The following ADGRF5 variants were observed in gnomAD, a reference collection of about 807,000 sequenced individuals.
ADGRF5 encodes adhesion G protein-coupled receptor F5.
In ADGRF5, 75 loss-of-function variants were observed where a neutral mutation model predicts 132.3. The ratio of observed to expected loss-of-function variants is 0.57; its 90% CI spans 0.47 to 0.69. ADGRF5 has a LOEUF of 0.69. Ranked by LOEUF, ADGRF5 falls within the 30% of genes least tolerant of loss-of-function variation. ADGRF5 has a pLI of 0.00. For synonymous variants in ADGRF5, 629 were observed against 597.6 expected, an observed-to-expected ratio of 1.05 and a Z score of -0.77; for missense variants, 1,516 against 1,630.6, an observed-to-expected ratio of 0.93 and a Z score of 1.21.
chr6:46,922,922 G>A (rs1777054556), upstream of ADGRF5, among the ~76,000 whole-genome samples: 1 of 152,118 alleles, frequency 6.6e-6, no homozygotes, highest in African/African-American at 2.4e-5. Flanking sequence ...TGACCCTATT[G>A]AGATTCAGTG....
chr6:46,936,470 A>G (rs998735991), intron 1 of ADGRF5, among the ~76,000 whole-genome samples: 3 of 152,178 alleles, frequency 2.0e-5, no homozygotes, highest in African/African-American at 7.2e-5. Flanking sequence ...ATTGTATACT[A>G]TAATAGTGGC....
Position 46,921,412 on chromosome 6 carries a change from G to A in ADGRF5, c.-25+301C>T, listed in dbSNP as rs549489822. Among the ~76,000 whole-genome samples the A allele has an allele frequency of 4.3e-5, 6 of 138,576 alleles. 1 individual carries two copies. In the South Asian group the frequency reaches 1.4e-3, roughly 32 times the overall value. The allele number at this position is 138,576 out of a possible 152,430, so 90.9% of individuals were successfully genotyped here. A position where few individuals can be genotyped will look rare whatever the true frequency, so the allele number is the denominator to read the frequency against. On this transcript the variant is annotated intron_variant, in intron 1 of 20. Transcript: ENST00000283296. Reference sequence around the variant, plus strand: ...TTATAGTATTTTCTGGTTTAAGGACGAGAGAACTTGTTTGAAAAAAAAAAA... The same window carrying A: ...TTATAGTATTTTCTGGTTTAAGGACAAGAGAACTTGTTTGAAAAAAAAAAA...
At position 46,856,737 on chromosome 6, in the gene ADGRF5, C is replaced by A. The variant is rs1769094544; in HGVS notation, c.3857G>T (p.Trp1286Leu). 1 of 1,533,484 alleles carries A rather than the reference C, an allele frequency of 6.5e-7. No individual in the cohort carries two copies. Among genetic ancestry groups the A allele is most frequent in the Non-Finnish European group, 9.0e-7 (1 of 1,107,646 alleles). The allele number at this position is 1,533,484 out of a possible 1,614,324, so 95.0% of individuals were successfully genotyped here. A position where few individuals can be genotyped will look rare whatever the true frequency, so the allele number is the denominator to read the frequency against. ...GTTTACCTTTGAGTGCTGTGAAGACCATCTCGACAATGAAAACTTATTCAG... is the reference window on the plus strand; with the variant it reads ...GTTTACCTTTGAGTGCTGTGAAGACAATCTCGACAATGAAAACTTATTCAG... ...ALLNKFSLSR[W>L]SSQHSKSTSL... The change falls in exon 19 of 21, where the codon TGG becomes TTG. Residue 1286 changes from tryptophan to leucine, a missense_variant. By Grantham distance (61) the Trp-to-Leu change is moderately conservative. Around this residue, in one of 2 missense-constraint regions of ADGRF5, gnomAD observed 571 missense variants for 701.2 expected, o/e 0.81. Coordinates refer to ENST00000283296, the MANE Select transcript of ADGRF5 (RefSeq NM_001098518.2).
chr6:46,952,679 A>G lies in ADGRF5; in HGVS notation c.-25+2055T>C, dbSNP rs1213910710. ...CGATCTGATAATTAGGGTTTTTCAG[A>G]CAATGTACACATTCATTTGCTCATT... is the stretch of plus-strand genomic sequence containing the variant. On this transcript the variant is annotated intron_variant, in intron 1 of 20. Transcript: ENST00000265417. 3.9e-5 allele frequency among the ~76,000 whole-genome samples: 6 copies of G among 152,262 alleles called. No individual in the cohort carries two copies. In the East Asian group the frequency reaches 1.2e-3, roughly 29 times the overall value.
chr6:46,878,491 A>G, intron 9 of ADGRF5, 86 bp from the exon 10 acceptor site: 1 of 794,254 alleles, frequency 1.3e-6, no homozygotes, highest in Non-Finnish European at 2.1e-6. Flanking sequence ...GGATCATGAC[A>G]GTACTTCATG....
At chr6:46,935,212 C>G (rs1777761040) in intron 1 of ADGRF5, among the ~76,000 whole-genome samples, 1 of 151,912 alleles carries the variant, frequency 6.6e-6, no homozygotes, top group Non-Finnish European at 1.5e-5. Context: ...ACTGTGTTAG[C>G]CAGGATGGTC....
At chr6:46,910,035 T>TA (rs1554210206) in intron 1 of ADGRF5, among the ~76,000 whole-genome samples, 2 of 133,994 alleles carry the variant, frequency 1.5e-5, no homozygotes, top group East Asian at 4.6e-4. Context: ...TAAAATAAAA[T>TA]AAAAAATAGA....
intron 10 of ADGRF5, among the ~76,000 whole-genome samples, chr6:46,877,725 A>G (rs1771975031): frequency 6.6e-6 from 1 of 152,120 alleles, no homozygotes; most frequent in Non-Finnish European, 1.5e-5. Context: ...ATAAAGCTGG[A>G]GGCACAGAGA....
intron 1 of ADGRF5, among the ~76,000 whole-genome samples, chr6:46,930,194 A>G (rs1309362552): frequency 2.0e-5 from 3 of 152,212 alleles, no homozygotes; most frequent in African/African-American, 7.2e-5. Context: ...GTTTTTAATT[A>G]AAAGTGTAGC....
intron 1 of ADGRF5, among the ~76,000 whole-genome samples, chr6:46,936,231 A>G (rs1300900387): frequency 6.6e-6 from 1 of 152,126 alleles, no homozygotes; most frequent in African/African-American, 2.4e-5. Flanking sequence ...CCCATGCCCA[A>G]GGCCTTCCTC....
chr6:46,860,212 G>A (rs1179805644), intron 16 of ADGRF5, among the ~76,000 whole-genome samples: 2 of 152,166 alleles, frequency 1.3e-5, no homozygotes, highest in Middle Eastern at 3.4e-3. Flanking sequence ...AAATGTTGCT[G>A]GTCTCTGAGT....
chr6:46,856,314 A>G (rs1024526509), intron 19 of ADGRF5, among the ~76,000 whole-genome samples: 1 of 152,258 alleles, frequency 6.6e-6, no homozygotes, highest in Non-Finnish European at 1.5e-5. Context: ...TCCAAGGGCA[A>G]TAGTTGTGTT....
intron 1 of ADGRF5, among the ~76,000 whole-genome samples, chr6:46,916,790 G>A (rs1408862605): frequency 6.6e-6 from 1 of 152,294 alleles, no homozygotes; most frequent in Non-Finnish European, 1.5e-5. Flanking sequence ...TGATCACCAC[G>A]ACCTAATGTA....
intron 1 of ADGRF5, among the ~76,000 whole-genome samples, chr6:46,929,196 C>T (rs1777413941): frequency 6.6e-6 from 1 of 152,060 alleles, no homozygotes; most frequent in African/African-American, 2.4e-5. Flanking sequence ...TTTGTAGGGA[C>T]ATGGATGAAG....
At chr6:46,875,601 A>T (rs1448662577) in intron 10 of ADGRF5, among the ~76,000 whole-genome samples, 2 of 151,966 alleles carry the variant, frequency 1.3e-5, no homozygotes, top group Non-Finnish European at 2.9e-5. Context: ...ACATGGTGAA[A>T]CCCCATCTCT....
In ADGRF5 at chr6:46,884,121, T is replaced by C. The variant is rs115136473; in HGVS notation, c.479A>G (p.Asn160Ser). Residue 160 changes from asparagine (N) to serine (S), a missense_variant, in exon 5 of 21, where the codon AAT (asparagine) becomes AGT (serine). By Grantham distance (46) the Asn-to-Ser change is conservative. Around this residue, in one of 2 missense-constraint regions of ADGRF5, gnomAD observed 945 missense variants for 929.4 expected, o/e 1.02. Transcript: ENST00000283296. ...TTCCTGAAGCAGGCAAAAAGGTCCA[T>C]TGGGAGGCAGTTCTTTAAGGCAACT... Reference protein sequence around the residue: ...HCSCLKELPPNGPFCLLQEDV... With the variant: ...HCSCLKELPPSGPFCLLQEDV... 3.2e-4 allele frequency: 513 copies of C among 1,614,014 alleles called. 2 individuals are homozygous for C. The African/African-American group carries it at 3.7e-3, about 12-fold the overall frequency.
At chr6:46,947,241 C>A (rs960336231) in intron 1 of ADGRF5, among the ~76,000 whole-genome samples, 2 of 152,158 alleles carry the variant, frequency 1.3e-5, no homozygotes, top group African/African-American at 4.8e-5. Flanking sequence ...TCTGAGATAG[C>A]CCTTCCCTAG....
chr6:46,879,993 G>A lies in ADGRF5; in HGVS notation c.861C>T (p.Asp287=). The A allele has an allele frequency of 6.2e-7, 1 of 1,614,138 alleles. No individual in the cohort carries two copies. The highest frequency in any genetic ancestry group is 8.5e-7 in the Non-Finnish European group (1 of 1,179,976). ...FVTPEIIFEG[D]TVSLVCEKEV... ...CCTTTTCACACACCAGACTGACTGT[G>A]TCCCCTTCAAAGATGATTTCTGGTG... Residue 287 remains aspartate, a synonymous_variant, in exon 9 of 21, where the codon GAC becomes GAT. Coordinates refer to ENST00000283296, the MANE Select transcript of ADGRF5 (RefSeq NM_001098518.2).
In ADGRF5 at chr6:46,856,025, A is replaced by T. The variant is rs762125827; in HGVS notation, c.3910T>A (p.Ser1304Thr). ...TSLGSSTPVF[S>T]MSSPISRRFN... is the part of the protein sequence containing the mutation. ...CTCCTTGATATTGGAGAACTCATAGAAAACACAGGTGTGGATGAACCCAGG... is the reference window on the plus strand; with the variant it reads ...CTCCTTGATATTGGAGAACTCATAGTAAACACAGGTGTGGATGAACCCAGG... Residue 1304 changes from serine (S) to threonine (T), a missense_variant, in exon 20 of 21, where the codon TCT (serine) becomes ACT (threonine). Ser to Thr is a moderately conservative substitution (Grantham distance 58, BLOSUM62 1). Transcript: ENST00000283296. 1 of 1,603,834 alleles carries T rather than the reference A, an allele frequency of 6.2e-7. No homozygotes were observed. Among genetic ancestry groups the T allele is most frequent in the Non-Finnish European group, 8.5e-7 (1 of 1,172,746 alleles).
Sources: gnomAD v4.1 joint callset for allele counts (sites outside exome capture counted in the v4.1 genomes callset) on GRCh38, gnomAD v4.1.1 for gene constraint, gnomAD v4.1.1 regional missense constraint, MANE v1.5 for transcripts, NCBI Gene and HGNC (gene_info 2026-07-23, HGNC 2026-07-21) for gene names.